Variants in FAR2 observed in about 807,000 individuals in gnomAD.
FAR2 encodes epididymis secretory protein Li 81.
In FAR2, 19 loss-of-function variants were observed where a neutral mutation model predicts 56.0. That is an observed-to-expected ratio of 0.34 (90% confidence interval 0.24 to 0.50). The LOEUF is 0.50. FAR2 is among the 20% of genes least tolerant of loss of function. The pLI, the probability that FAR2 is intolerant of heterozygous loss-of-function variation, is 0.98. For missense variants in FAR2, 508 were observed against 642.2 expected (o/e 0.79, Z 2.26); for synonymous variants, 219 against 218.8 (o/e 1.00, Z -0.01).
intron 7 of FAR2, 85 bp from the exon 8 acceptor site, chr12:29,311,796 ACT>A (rs1949357418): frequency 2.1e-6 from 2 of 953,800 alleles, no homozygotes; most frequent in East Asian, 5.3e-5. Context: ...TACTGAAACC[ACT>A]CTGTCTAAAT....
chr12:29,246,625 A>T (rs1162465231), intron 1 of FAR2, among the ~76,000 whole-genome samples: 4 of 152,184 alleles, frequency 2.6e-5, no homozygotes, highest in Non-Finnish European at 4.4e-5. Flanking sequence ...GGTCAAATTA[A>T]GAACTATATC....
At chr12:29,269,722 T>C (rs1948581720) in intron 1 of FAR2, among the ~76,000 whole-genome samples, 1 of 152,230 alleles carries the variant, frequency 6.6e-6, no homozygotes, top group Non-Finnish European at 1.5e-5. Context: ...TGCCATGGCT[T>C]CAGCCGGTCC....
intron 2 of FAR2, among the ~76,000 whole-genome samples, chr12:29,288,799 C>A (rs1948913903): frequency 6.6e-6 from 1 of 152,066 alleles, no homozygotes; most frequent in African/African-American, 2.4e-5. Flanking sequence ...AGTAATAGTT[C>A]TATTACTGAT....
intron 1 of FAR2, among the ~76,000 whole-genome samples, chr12:29,260,528 T>A (rs1244168073): frequency 3.3e-5 from 5 of 152,144 alleles, no homozygotes. Context: ...TTAGGTGAGA[T>A]TCAGAGCTGT....
At chr12:29,181,235 G>GT (rs1334108264) in intron 1 of FAR2, among the ~76,000 whole-genome samples, 2 of 151,964 alleles carry the variant, frequency 1.3e-5, no homozygotes, top group Non-Finnish European at 2.9e-5. Context: ...AAGGTTGAAT[G>GT]TTTTTTCTTT....
At chr12:29,252,692 G>A (rs928419843) in intron 1 of FAR2, among the ~76,000 whole-genome samples, 7 of 152,162 alleles carry the variant, frequency 4.6e-5, no homozygotes, top group Admixed American at 2.6e-4. Flanking sequence ...GGGTTAGTGC[G>A]TTTTTGGTTG....
At chr12:29,169,393 G>A (rs183850512) in intron 1 of FAR2, among the ~76,000 whole-genome samples, 3 of 152,188 alleles carry the variant, frequency 2.0e-5, no homozygotes, top group Admixed American at 2.0e-4. Context: ...CCTGTAGCTC[G>A]ATGGCCTTGA....
rs142204438 is a variant in FAR2, at chr12:29,333,680, C to A, written c.1434C>A (p.Ala478=). ...YLFNTALFLI[A]WRLLIARSQM... ...TTAATACTGCCCTCTTCCTTATCGCCTGGCGCCTTCTCATTGCAAGATCTC... is the reference window on the plus strand; with the variant it reads ...TTAATACTGCCCTCTTCCTTATCGCATGGCGCCTTCTCATTGCAAGATCTC... Residue 478 remains alanine (A), a synonymous_variant, in exon 12 of 12, where the codon GCC becomes GCA. Coordinates refer to ENST00000536681, the MANE Select transcript of FAR2 (RefSeq NM_001271783.2). 6.8e-6 allele frequency: 11 copies of A among 1,613,856 alleles called. No homozygotes were observed. Among genetic ancestry groups the A allele is most frequent in the Middle Eastern group, 1.6e-4 (1 of 6,062 alleles).
At chr12:29,313,085 G>T (rs1949380574) in intron 8 of FAR2, among the ~76,000 whole-genome samples, 1 of 152,092 alleles carries the variant, frequency 6.6e-6, no homozygotes, top group Admixed American at 6.6e-5. Flanking sequence ...ATCTGATGTT[G>T]CATTCAAATT....
chr12:29,156,251 C>CA (rs1373789325), intron 1 of FAR2, among the ~76,000 whole-genome samples: 5 of 151,094 alleles, frequency 3.3e-5, no homozygotes, highest in African/African-American at 1.2e-4. Flanking sequence ...AATGTCTCAC[C>CA]AAAAAAAAGA....
chr12:29,318,738 C>T (rs1428727841), intron 9 of FAR2, among the ~76,000 whole-genome samples: 1 of 152,078 alleles, frequency 6.6e-6, no homozygotes, highest in African/African-American at 2.4e-5. Context: ...ACTAATTTTC[C>T]ATGAAAATCT....
Position 29,321,894 on chromosome 12 carries a change from G to T in FAR2, c.1227G>T (p.Leu409=). The T allele has an allele frequency of 1.2e-6, 2 of 1,613,632 alleles. No individual in the cohort carries two copies. The highest frequency in any genetic ancestry group is 1.7e-6 in the Non-Finnish European group (2 of 1,179,682). Residue 409 remains leucine, a synonymous_variant, in exon 10 of 12, where the codon CTG becomes CTT. Coordinates refer to ENST00000536681, the MANE Select transcript of FAR2 (RefSeq NM_001271783.2). ...GGAGCACGTACAATACAGAAATGCT[G>T]ATGTCTGAGCTGAGTCCTGAAGACC... ...WEWSTYNTEM[L]MSELSPEDQR...
chr12:29,261,285 A>T (rs1373493067), intron 1 of FAR2, among the ~76,000 whole-genome samples: 1 of 152,248 alleles, frequency 6.6e-6, no homozygotes, highest in Non-Finnish European at 1.5e-5. Context: ...AATGTAGTTG[A>T]CATACTGAAG....
chr12:29,168,955 A>G lies in FAR2; in HGVS notation c.-39+19548A>G, dbSNP rs558276309. On this transcript the variant is annotated intron_variant, in intron 1 of 11. Transcript: ENST00000536681. Reference sequence around the variant, plus strand: ...CATTTTACAGAGTGCTGATTGGTCCATTTTACAGAGTGCTGATTGATGTGT... The same window carrying G: ...CATTTTACAGAGTGCTGATTGGTCCGTTTTACAGAGTGCTGATTGATGTGT... Among the ~76,000 whole-genome samples the G allele has an allele frequency of 1.4e-4, 22 of 152,252 alleles. 1 individual carries two copies. Among genetic ancestry groups the G allele is most frequent in the Admixed American group, 1.4e-3 (21 of 15,296 alleles).
At chr12:29,324,979 A>G (rs1336474853) in intron 10 of FAR2, among the ~76,000 whole-genome samples, 2 of 145,072 alleles carry the variant, frequency 1.4e-5, no homozygotes, top group African/African-American at 5.1e-5. Context: ...GTCAAGAACC[A>G]TCAGTGTGCT....
intron 2 of FAR2, among the ~76,000 whole-genome samples, chr12:29,289,826 G>C (rs1442657824): frequency 6.6e-6 from 1 of 152,098 alleles, no homozygotes; most frequent in Non-Finnish European, 1.5e-5. Context: ...TACATAAGGA[G>C]CTCAAACAAC....
intron 1 of FAR2, among the ~76,000 whole-genome samples, chr12:29,249,520 A>G (rs1948176097): frequency 6.6e-6 from 1 of 152,218 alleles, no homozygotes; most frequent in South Asian, 2.1e-4. Flanking sequence ...GGGTATCTCT[A>G]CATTCCACCT....
At chr12:29,215,433 A>G (rs1215019111) in intron 1 of FAR2, among the ~76,000 whole-genome samples, 1 of 152,216 alleles carries the variant, frequency 6.6e-6, no homozygotes, top group Admixed American at 6.5e-5. Context: ...GTTTTGGTTA[A>G]GCTCCCGTAG....
intron 9 of FAR2, among the ~76,000 whole-genome samples, chr12:29,318,152 GTCT>G (rs1949486534): frequency 6.6e-6 from 1 of 152,218 alleles, no homozygotes; most frequent in South Asian, 2.1e-4. Context: ...AAGGGAGGAA[GTCT>G]TCTTCAGCGT....
Sources: allele counts gnomAD v4.1 joint callset (sites outside exome capture counted in the v4.1 genomes callset), GRCh38; gene constraint gnomAD v4.1.1; transcripts MANE v1.5; gene names NCBI Gene and HGNC (gene_info 2026-07-23, HGNC 2026-07-21).